Variants in EPHX2 observed in about 807,000 individuals in gnomAD.
EPHX2 encodes the protein bifunctional epoxide hydrolase 2.
Under a neutral mutation model 78.7 loss-of-function variants are expected in EPHX2, and 74 were observed. That is an observed-to-expected ratio of 0.94 (90% CI 0.78 to 1.14). The LOEUF (loss-of-function observed/expected upper bound fraction) is 1.14, where lower values mean the gene tolerates loss of function less well. Ranked by LOEUF, EPHX2 falls within the 50% of genes most tolerant of loss-of-function variation. The pLI is 0.00. For synonymous variants in EPHX2, 251 were observed against 255.2 expected, an observed-to-expected ratio of 0.98 and a Z score of 0.16; for missense variants, 715 against 702.5, an observed-to-expected ratio of 1.02 and a Z score of -0.20.
At chr8:27,491,862 C>A (rs1195147089) in intron 1 of EPHX2, among the ~76,000 whole-genome samples, 4 of 151,902 alleles carry the variant, frequency 2.6e-5, no homozygotes, top group Non-Finnish European at 5.9e-5. Flanking sequence ...AAGGTACATG[C>A]AGAAAAGTGC....
rs746612522 is a variant in EPHX2, at chr8:27,538,829, G to A, written c.1276+137G>A. 8 of 896,722 alleles carry A rather than the reference G, an allele frequency of 8.9e-6. No individual in the cohort carries two copies. In the South Asian group the frequency reaches 9.7e-5, roughly 11 times the overall value. 55.5% of individuals were successfully genotyped at this position (896,722 alleles called of 1,614,324 possible). ...AAGTTGCCCAACCAGGGTCCCCTCG[G>A]CATGCATAGGGCTGACTCTAACCCC... On this transcript the variant is annotated intron_variant, in intron 14 of 18. Transcript: ENST00000521400.
At chr8:27,540,456 C>T (rs1815360986) in intron 14 of EPHX2, 98 bp from the exon 15 acceptor site, 3 of 1,026,552 alleles carry the variant, frequency 2.9e-6, no homozygotes, top group African/African-American at 3.2e-5. Flanking sequence ...AGGCCTTGCG[C>T]AAGTTCAGAT....
chr8:27,520,416 G>A (rs187231558), intron 9 of EPHX2, among the ~76,000 whole-genome samples: 11 of 151,476 alleles, frequency 7.3e-5, no homozygotes, highest in Non-Finnish European at 1.5e-4. Flanking sequence ...GCATGATCTC[G>A]GCTCACTGCA....
At chr8:27,530,762 CTTTTTTTTTTTTTT>C (rs11343503) in intron 12 of EPHX2, among the ~76,000 whole-genome samples, 1 of 127,364 alleles carries the variant, frequency 7.9e-6, no homozygotes, top group African/African-American at 3.2e-5. Flanking sequence ...TAATTTTTTT[CTTTTTTTTTTTTTT>C]TTTTGAGATG....
chr8:27,507,008 T>C lies in EPHX2; in HGVS notation c.660+14T>C, dbSNP rs1412177993. On this transcript the variant is annotated intron_variant, in intron 5 of 18. Transcript: ENST00000521400. ...ACCGGAATCCAGGTAACTTGACTTC[T>C]GAGCGAGCCAAGCTTCCTGGACTCA... The C allele has an allele frequency of 6.2e-7, 1 of 1,612,990 alleles. No homozygotes were observed. Among genetic ancestry groups the C allele is most frequent in the East Asian group, 2.2e-5 (1 of 44,870 alleles).
rs1563340511 is a variant in EPHX2 at position 27,501,396 on chromosome 8, T to TTCCTTCTTCCTTCTTC, written c.186+386_186+387insTCCTTCTTCCTTCTTC. Among the ~76,000 whole-genome samples the TTCCTTCTTCCTTCTTC allele has an allele frequency of 1.2e-4, 16 of 129,264 alleles. 1 individual carries two copies. The highest frequency in any genetic ancestry group is 2.5e-4 in the South Asian group (1 of 3,928). The allele number at this position is 129,264 out of a possible 152,430, so 84.8% of individuals were successfully genotyped here. A position where few individuals can be genotyped will look rare whatever the true frequency, so the allele number is the denominator to read the frequency against. On this transcript the variant is annotated intron_variant, in intron 2 of 18. Transcript: ENST00000521400. ...TCTTCTTCTTCTTCTTCTTCTTCTTTCTTCTTTCTTCTTTCTTCTTTTTCT... is the reference window on the plus strand; with the variant it reads ...TCTTCTTCTTCTTCTTCTTCTTCTTTTCCTTCTTCCTTCTTCCTTCTTTCTTCTTTCTTCTTTTTCT...
chr8:27,503,079 A>G (rs1813860317), intron 2 of EPHX2, among the ~76,000 whole-genome samples: 1 of 152,152 alleles, frequency 6.6e-6, no homozygotes. Flanking sequence ...CTCAGGAGTG[A>G]GATCAGTGCA....
intron 9 of EPHX2, 43 bp downstream of exon 9, chr8:27,518,115 T>A (rs1221564226): frequency 6.4e-7 from 1 of 1,569,970 alleles, no homozygotes; most frequent in African/African-American, 1.4e-5. Context: ...CCTGCGATTT[T>A]TGTTGCTATA....
At chr8:27,526,232 A>G (rs1006130867) in intron 12 of EPHX2, among the ~76,000 whole-genome samples, 1 of 152,198 alleles carries the variant, frequency 6.6e-6, no homozygotes, top group Non-Finnish European at 1.5e-5. Context: ...GACCACAACC[A>G]TCCCAGTTTC....
intron 12 of EPHX2, 145 bp from the exon 13 acceptor site, chr8:27,536,638 TG>T (rs1288694867): frequency 2.6e-6 from 2 of 762,662 alleles, no homozygotes; most frequent in Non-Finnish European, 4.4e-6. Context: ...TGTTTTATGA[TG>T]AAAATTCAAA....
intron 12 of EPHX2, among the ~76,000 whole-genome samples, chr8:27,527,016 C>T (rs1007712914): frequency 2.6e-5 from 4 of 152,214 alleles, no homozygotes; most frequent in Non-Finnish European, 4.4e-5. Context: ...TCTCGGCTCA[C>T]TGCAACCTCC....
intron 15 of EPHX2, 82 bp downstream of exon 15, chr8:27,540,738 C>A: frequency 7.6e-7 from 1 of 1,320,298 alleles, no homozygotes; most frequent in Non-Finnish European, 1.1e-6. Flanking sequence ...GAGGGTGAGG[C>A]CCAGTTCTCC....
intron 2 of EPHX2, among the ~76,000 whole-genome samples, chr8:27,501,827 G>C (rs933693282): frequency 2.0e-5 from 3 of 151,974 alleles, no homozygotes; most frequent in Non-Finnish European, 4.4e-5. Context: ...GTAACTTCTA[G>C]GAAACTGGCA....
At position 27,544,407 on chromosome 8, in the gene EPHX2, T is replaced by C. The variant is rs922215515; in HGVS notation, c.1590-37T>C. The C allele has an allele frequency of 6.2e-6, 10 of 1,612,404 alleles. No individual in the cohort carries two copies. The African/African-American group carries it at 1.2e-4, about 19-fold the overall frequency. ...CTGGGTAGGTGCAGACAAGTGTGAA[T>C]GGCTATTTTTTTCTTTTACTTCTCC... On this transcript the variant is annotated intron_variant, in intron 18 of 18. Transcript: ENST00000521400.
intron 12 of EPHX2, among the ~76,000 whole-genome samples, chr8:27,535,233 A>G (rs568165089): frequency 5.9e-5 from 9 of 152,052 alleles, no homozygotes; most frequent in South Asian, 2.1e-4. Flanking sequence ...CTGGAGTGCA[A>G]TTGTGAGATC....
chr8:27,534,922 C>G (rs140786730), intron 12 of EPHX2, among the ~76,000 whole-genome samples: 1 of 152,142 alleles, frequency 6.6e-6, no homozygotes, highest in Non-Finnish European at 1.5e-5. Flanking sequence ...TGTTTGGGTC[C>G]GGTGTTGAAG....
chr8:27,512,793 G>T (rs1051094725), intron 6 of EPHX2, among the ~76,000 whole-genome samples: 5 of 152,214 alleles, frequency 3.3e-5, no homozygotes, highest in Non-Finnish European at 7.3e-5. Flanking sequence ...CCTTGGACAA[G>T]CATCTTATCC....
intron 12 of EPHX2, among the ~76,000 whole-genome samples, chr8:27,533,995 C>T (rs1183349300): frequency 1.3e-5 from 2 of 152,264 alleles, no homozygotes; most frequent in East Asian, 3.9e-4. Flanking sequence ...CTGAAATGCA[C>T]CCCTGAGCTC....
intron 1 of EPHX2, among the ~76,000 whole-genome samples, chr8:27,498,887 T>C (rs958255889): frequency 6.6e-6 from 1 of 152,228 alleles, no homozygotes; most frequent in Non-Finnish European, 1.5e-5. Flanking sequence ...ATTGTCTTAG[T>C]CCATTTTCTG....
Sources: allele counts gnomAD v4.1 joint callset (sites outside exome capture counted in the v4.1 genomes callset), GRCh38; gene constraint gnomAD v4.1.1; transcripts MANE v1.5; gene names NCBI Gene and HGNC (gene_info 2026-07-23, HGNC 2026-07-21).